Variants in MIPOL1 observed in about 807,000 individuals in gnomAD.
The protein encoded by MIPOL1 is mirror-image polydactyly 1.
A neutral mutation model predicts 60.9 loss-of-function variants in MIPOL1; 57 were observed. The observed-to-expected ratio is 0.94, with a 90% confidence interval of 0.76 to 1.17. The LOEUF is 1.17. MIPOL1 is among the 50% of genes most tolerant of loss of function. MIPOL1 has a pLI of 0.00. For missense variants in MIPOL1, 551 were observed against 511.6 expected, an observed-to-expected ratio of 1.08 and a Z score of -0.74; for synonymous variants, 179 against 168.8, an observed-to-expected ratio of 1.06 and a Z score of -0.47.
At chr14:37,461,960 G>C (rs1594483244) in intron 11 of MIPOL1, among the ~76,000 whole-genome samples, 1 of 152,206 alleles carries the variant, frequency 6.6e-6, no homozygotes. Context: ...TACCATTCTG[G>C]GGTCTGGAAG....
At chr14:37,227,602 A>G (rs1235013655) in intron 1 of MIPOL1, 1 of 152,240 alleles carries the variant, frequency 6.6e-6, no homozygotes, top group Non-Finnish European at 1.5e-5. Context: ...TATTGCAACA[A>G]GGAACTCCTT....
intron 9 of MIPOL1, among the ~76,000 whole-genome samples, chr14:37,356,746 A>G (rs966930496): frequency 1.3e-5 from 2 of 152,148 alleles, no homozygotes; most frequent in South Asian, 4.2e-4. Context: ...GAGTGAGGCA[A>G]TGCCTCGCCC....
At chr14:37,371,763 T>C (rs1411680016) in intron 10 of MIPOL1, among the ~76,000 whole-genome samples, 1 of 152,162 alleles carries the variant, frequency 6.6e-6, no homozygotes, top group Non-Finnish European at 1.5e-5. Context: ...ACATTTGCTT[T>C]ATTCTGAATC....
chr14:37,341,945 A>G (rs2090603483), intron 9 of MIPOL1, among the ~76,000 whole-genome samples: 1 of 152,214 alleles, frequency 6.6e-6, no homozygotes, highest in South Asian at 2.1e-4. Context: ...TTTCTCTTCA[A>G]AATGGTATAA....
At chr14:37,494,380 C>T (rs188411966) in intron 11 of MIPOL1, among the ~76,000 whole-genome samples, 33 of 152,302 alleles carry the variant, frequency 2.2e-4, no homozygotes, top group Middle Eastern at 6.8e-3. Context: ...TGAAGACCCA[C>T]GTAGGTGTAT....
chr14:37,508,831 A>AT (rs769991500), intron 12 of MIPOL1, among the ~76,000 whole-genome samples: 52 of 151,792 alleles, frequency 3.4e-4, no homozygotes, highest in Non-Finnish European at 1.6e-4. Flanking sequence ...TTATTTTAGG[A>AT]TTTTTTTTAA....
At chr14:37,412,545 G>T (rs1464685477) in intron 10 of MIPOL1, among the ~76,000 whole-genome samples, 3 of 151,830 alleles carry the variant, frequency 2.0e-5, no homozygotes, top group African/African-American at 4.8e-5. Context: ...TTAATGTTGA[G>T]CAAAAAAACA....
At chr14:37,439,296 A>G (rs2094206826) in intron 11 of MIPOL1, among the ~76,000 whole-genome samples, 1 of 152,190 alleles carries the variant, frequency 6.6e-6, no homozygotes. Context: ...ATTCTGATAG[A>G]GAGGAGGAGG....
intron 10 of MIPOL1, among the ~76,000 whole-genome samples, chr14:37,392,856 A>C (rs1005744884): frequency 1.3e-5 from 2 of 152,202 alleles, no homozygotes; most frequent in African/African-American, 2.4e-5. Flanking sequence ...GTCTTGTGCA[A>C]CCTGGCTGCC....
chr14:37,211,726 T>C (rs1966847857), intron 1 of MIPOL1, among the ~76,000 whole-genome samples: 1 of 152,072 alleles, frequency 6.6e-6, no homozygotes, highest in Admixed American at 6.6e-5. Flanking sequence ...TGTGACATAC[T>C]GAGACACCAG....
At chr14:37,405,895 T>G (rs2093578080) in intron 10 of MIPOL1, among the ~76,000 whole-genome samples, 1 of 141,820 alleles carries the variant, frequency 7.1e-6, no homozygotes, top group South Asian at 2.1e-4. Context: ...TTTCCTTTTT[T>G]AAGAGTTTTT....
intron 12 of MIPOL1, among the ~76,000 whole-genome samples, chr14:37,542,203 G>C (rs535893086): frequency 2.0e-5 from 3 of 152,084 alleles, no homozygotes; most frequent in Non-Finnish European, 4.4e-5. Flanking sequence ...CTCACTTCTT[G>C]GAGTTCTCAT....
In MIPOL1 at chr14:37,270,440, AG is replaced by A; in HGVS notation, c.409del (p.Glu137LysfsTer8). The part of the protein sequence containing the change: ...NKKLQQKLAK[E>X]DKEQRKLKFK... ...TTTAGCTTCAGCAGAAATTGGCTAAAGAAGATAAAGAACAGAGAAAACTAAA... is the reference window on the plus strand; with the variant it reads ...TTTAGCTTCAGCAGAAATTGGCTAAAAAGATAAAGAACAGAGAAAACTAAA... On this transcript the variant is annotated frameshift_variant, in exon 6 of 13. Coordinates refer to ENST00000684589, the MANE Select transcript of MIPOL1 (RefSeq NM_001388067.1). LOFTEE classifies it high-confidence loss of function. 1 of 1,590,086 alleles carries A rather than the reference AG, an allele frequency of 6.3e-7. No individual in the cohort carries two copies. Among genetic ancestry groups the A allele is most frequent in the South Asian group, 1.1e-5 (1 of 87,160 alleles).
At chr14:37,402,013 C>G (rs573144039) in intron 10 of MIPOL1, 22 of 152,074 alleles carry the variant, frequency 1.4e-4, no homozygotes, top group African/African-American at 4.8e-4. Flanking sequence ...GGGCATATCA[C>G]TTATGAGATG....
chr14:37,294,424 A>C (rs1346578812), intron 7 of MIPOL1, among the ~76,000 whole-genome samples: 3 of 152,234 alleles, frequency 2.0e-5, no homozygotes, highest in Non-Finnish European at 2.9e-5. Flanking sequence ...AAAGGAACGC[A>C]GCTCCTCACC....
In MIPOL1 at chr14:37,497,239, G is replaced by T. The variant is rs575061073; in HGVS notation, c.1032-2669G>T. Among the ~76,000 whole-genome samples the T allele has an allele frequency of 5.9e-4, 90 of 152,242 alleles. No individual in the cohort carries two copies. In the Middle Eastern group the frequency reaches 0.014, roughly 23 times the overall value. ...CATTCAGGACATAGGCATGGGCAAG[G>T]ACTTCATGTCTAAAACACCAAAAGC... On this transcript the variant is annotated intron_variant, in intron 11 of 12. Coordinates refer to ENST00000684589, the MANE Select transcript of MIPOL1 (RefSeq NM_001388067.1).
At chr14:37,358,542 G>GCATAAA (rs2092005870) in intron 9 of MIPOL1, among the ~76,000 whole-genome samples, 1 of 152,186 alleles carries the variant, frequency 6.6e-6, no homozygotes, top group African/African-American at 2.4e-5. Flanking sequence ...ACTGGTGTGA[G>GCATAAA]ATGGTATCTC....
At chr14:37,232,314 G>C (rs979106630) in intron 1 of MIPOL1, among the ~76,000 whole-genome samples, 2 of 152,106 alleles carry the variant, frequency 1.3e-5, no homozygotes, top group Non-Finnish European at 2.9e-5. Flanking sequence ...AGGAGTTTTG[G>C]TTAAGGTATA....
chr14:37,263,416 G>A (rs1401387648), intron 3 of MIPOL1, among the ~76,000 whole-genome samples: 1 of 152,148 alleles, frequency 6.6e-6, no homozygotes, highest in Non-Finnish European at 1.5e-5. Flanking sequence ...GCATTTTAGG[G>A]TAATACCTAG....
Sources: allele counts gnomAD v4.1 joint callset (sites outside exome capture counted in the v4.1 genomes callset), GRCh38; gene constraint gnomAD v4.1.1; transcripts MANE v1.5; gene names NCBI Gene and HGNC (gene_info 2026-07-23, HGNC 2026-07-21).